Variants in VRTN observed in about 807,000 individuals in gnomAD.
VRTN encodes vertnin.
In VRTN, 5 loss-of-function variants were observed where a neutral mutation model predicts 18.2. The ratio of observed to expected loss-of-function variants is 0.27; its 90% CI spans 0.14 to 0.58. The LOEUF (loss-of-function observed/expected upper bound fraction) is 0.58, where lower values mean the gene tolerates loss of function less well. Among genes scored for constraint, VRTN ranks in the 20% least tolerant of loss-of-function variants. VRTN has a pLI of 0.91. For missense variants in VRTN, 741 were observed against 939.4 expected (o/e 0.79, Z 2.76); for synonymous variants, 381 against 393.7 (o/e 0.97, Z 0.38).
chr14:74,353,724 A>G (rs1168936302), intron 1 of VRTN, among the ~76,000 whole-genome samples: 1 of 152,042 alleles, frequency 6.6e-6, no homozygotes, highest in Admixed American at 6.6e-5. Context: ...GAGCAAAAAA[A>G]CTACTTTTTT....
chr14:74,322,239 C>T (rs2140197377), intron 1 of VRTN, among the ~76,000 whole-genome samples: 1 of 151,914 alleles, frequency 6.6e-6, no homozygotes, highest in South Asian at 2.1e-4. Flanking sequence ...CCTCTTGCCT[C>T]CTGGAGCTCA....
upstream of VRTN, among the ~76,000 whole-genome samples, chr14:74,344,750 A>AAAAAAAAAAAAAGT (rs1410658975): frequency 2.3e-4 from 30 of 128,076 alleles, 2 homozygotes; most frequent in Middle Eastern, 3.9e-3. Context: ...AAAAAAAATG[A>AAAAAAAAAAAAAGT]AAAAAAGAAA....
At chr14:74,344,750 A>AAAAAAAAAAAAAAAAAAAAAAAGT (rs1410658975), upstream of VRTN, among the ~76,000 whole-genome samples, 16 of 128,048 alleles carry the variant, frequency 1.2e-4, no homozygotes, top group South Asian at 2.5e-4. Flanking sequence ...AAAAAAAATG[A>AAAAAAAAAAAAAAAAAAAAAAAGT]AAAAAAGAAA....
chr14:74,358,754 G>A lies in VRTN; in HGVS notation c.1971G>A (p.Leu657=), dbSNP rs113259132. ...CGAAGTTCAAGGCCCAGGCCAAGCT[G>A]TTCTTGCAGAAGCGCTTCCAGTCCA... ...ATTKFKAQAK[L]FLQKRFQSKS... The change falls in exon 2 of 2, where the codon CTG becomes CTA. Residue 657 remains leucine, a synonymous_variant. Coordinates refer to ENST00000256362, the MANE Select transcript of VRTN (RefSeq NM_018228.3). The surrounding 1 kb of genome is among the most constrained non-coding windows in gnomAD (Gnocchi z 5.4). 7.6e-5 allele frequency: 122 copies of A among 1,614,250 alleles called. No homozygotes were observed. The highest frequency in any genetic ancestry group is 7.2e-4 in the South Asian group (66 of 91,092).
Position 74,357,515 on chromosome 14 carries a change from A to G in VRTN, c.732A>G (p.Glu244=). 1 of 1,613,236 alleles carries G rather than the reference A, an allele frequency of 6.2e-7. No individual in the cohort carries two copies. The highest frequency in any genetic ancestry group is 8.5e-7 in the Non-Finnish European group (1 of 1,179,994). Residue 244 remains glutamate, a synonymous_variant, in exon 2 of 2, where the codon GAA becomes GAG. Transcript: ENST00000256362. The surrounding 1 kb of genome is among the most constrained non-coding windows in gnomAD (Gnocchi z 7.8). Reference sequence around the variant, plus strand: ...ACTTTGCCCCTGTGGTGGGGCTGGAAGAGGTGGAGGCTGAAGGTGCCCCTG... The same window carrying G: ...ACTTTGCCCCTGTGGTGGGGCTGGAGGAGGTGGAGGCTGAAGGTGCCCCTG... ...HQYFAPVVGL[E]EVEAEGAPGV...
chr14:74,328,717 G>A (rs1184378203), intron 1 of VRTN, among the ~76,000 whole-genome samples: 1 of 152,198 alleles, frequency 6.6e-6, no homozygotes, highest in Non-Finnish European at 1.5e-5. Context: ...TAAGTTATTG[G>A]CCAGGTGCCC....
At chr14:74,353,868 G>T (rs764931007) in intron 1 of VRTN, among the ~76,000 whole-genome samples, 9 of 151,818 alleles carry the variant, frequency 5.9e-5, no homozygotes, top group Non-Finnish European at 1.2e-4. Flanking sequence ...GACTAGAGGC[G>T]CCCGCCAGCG....
intron 1 of VRTN, among the ~76,000 whole-genome samples, chr14:74,329,721 G>A (rs956639344): frequency 3.3e-5 from 5 of 151,892 alleles, no homozygotes; most frequent in African/African-American, 1.2e-4. Flanking sequence ...TGGGACTACA[G>A]GTATGTGCCA....
chr14:74,321,363 C>T (rs1012391034), intron 1 of VRTN, among the ~76,000 whole-genome samples: 2 of 152,084 alleles, frequency 1.3e-5, no homozygotes, highest in Non-Finnish European at 2.9e-5. Context: ...ATGATCATCC[C>T]GATTTCACAG....
At chr14:74,346,664 A>G (rs1296427016), upstream of VRTN, among the ~76,000 whole-genome samples, 1 of 152,228 alleles carries the variant, frequency 6.6e-6, no homozygotes, top group Admixed American at 6.5e-5. Context: ...TTAGAACAAA[A>G]TATACTGAGA....
chr14:74,335,993 G>A (rs892160515), intron 1 of VRTN, among the ~76,000 whole-genome samples: 23 of 151,316 alleles, frequency 1.5e-4, no homozygotes, highest in African/African-American at 5.3e-4. Context: ...TGCCTGCCTC[G>A]GCTTCTCAAA....
chr14:74,327,782 G>A (rs556546655), intron 1 of VRTN, among the ~76,000 whole-genome samples: 4 of 152,244 alleles, frequency 2.6e-5, no homozygotes, highest in African/African-American at 9.6e-5. Flanking sequence ...AGTGAATGGT[G>A]CAATCTCAGC....
At chr14:74,345,668 A>T (rs2085639245), upstream of VRTN, among the ~76,000 whole-genome samples, 1 of 152,146 alleles carries the variant, frequency 6.6e-6, no homozygotes, top group African/African-American at 2.4e-5. Context: ...TCACATCTGT[A>T]ATCCCAGCAC....
At chr14:74,322,771 G>T (rs2085464625) in intron 1 of VRTN, among the ~76,000 whole-genome samples, 1 of 152,156 alleles carries the variant, frequency 6.6e-6, no homozygotes, top group Admixed American at 6.5e-5. Flanking sequence ...TCCCTAGCTG[G>T]CAGGACAAGC....
At chr14:74,306,905 C>G (rs1204222131) in intron 1 of VRTN, among the ~76,000 whole-genome samples, 1 of 151,988 alleles carries the variant, frequency 6.6e-6, no homozygotes, top group African/African-American at 2.4e-5. Flanking sequence ...CGCTCCTGGC[C>G]TCTAGTTGTT....
At chr14:74,327,269 G>C (rs1221769767) in intron 1 of VRTN, among the ~76,000 whole-genome samples, 3 of 152,176 alleles carry the variant, frequency 2.0e-5, no homozygotes, top group South Asian at 4.1e-4. Context: ...TCGGTCCGCT[G>C]GTCCACAGTA....
At chr14:74,338,553 G>T (rs942611569) in intron 2 of VRTN, among the ~76,000 whole-genome samples, 1 of 152,098 alleles carries the variant, frequency 6.6e-6, no homozygotes, top group South Asian at 2.1e-4. Flanking sequence ...TTAACAAATT[G>T]TAATTTGTTT....
upstream of VRTN, among the ~76,000 whole-genome samples, chr14:74,344,407 C>CAAA (rs58231760): frequency 9.8e-3 from 651 of 66,274 alleles, 27 homozygotes; most frequent in Non-Finnish European, 0.012. Context: ...AAGACTGTCT[C>CAAA]AAAAAAAAAA....
At chr14:74,350,179 G>A (rs74384853) in intron 1 of VRTN, among the ~76,000 whole-genome samples, 2,297 of 152,222 alleles carry the variant, frequency 0.015, 51 homozygotes, top group African/African-American at 0.052. Flanking sequence ...GCTTCCCCGT[G>A]CAGCCCCTAC....
Sources: allele counts gnomAD v4.1 joint callset (sites outside exome capture counted in the v4.1 genomes callset), GRCh38; gene constraint gnomAD v4.1.1; non-coding constraint Gnocchi (gnomAD v3.1); transcripts MANE v1.5; gene names NCBI Gene and HGNC (gene_info 2026-07-23, HGNC 2026-07-21).